Variants in XPOT observed in about 807,000 individuals in gnomAD.
XPOT encodes the protein exportin-T.
In XPOT, 34 loss-of-function variants were observed where a neutral mutation model predicts 128.2. The ratio of observed to expected loss-of-function variants is 0.27; its 90% CI spans 0.20 to 0.35. XPOT has a LOEUF of 0.35. Ranked by LOEUF, XPOT falls within the 10% of genes least tolerant of loss-of-function variation. The pLI is 1.00. For missense variants in XPOT, 838 were observed against 1,125.3 expected (o/e 0.74, Z 3.65); for synonymous variants, 348 against 394.3 (o/e 0.88, Z 1.39).
intron 9 of XPOT, among the ~76,000 whole-genome samples, chr12:64,422,470 T>A (rs1414505804): frequency 6.6e-6 from 1 of 152,224 alleles, no homozygotes; most frequent in Admixed American, 6.5e-5. Flanking sequence ...GAATATGTTA[T>A]AGGTGTCTTT....
At chr12:64,428,017 T>A in intron 15 of XPOT, 34 bp from the exon 16 acceptor site, 1 of 1,400,506 alleles carries the variant, frequency 7.1e-7, no homozygotes. Flanking sequence ...TTGAGCACTG[T>A]TATTAATTGT....
intron 2 of XPOT, among the ~76,000 whole-genome samples, chr12:64,412,551 A>C (rs1188609417): frequency 2.0e-5 from 3 of 152,174 alleles, no homozygotes; most frequent in Non-Finnish European, 4.4e-5. Flanking sequence ...TGTTAGAAAC[A>C]ACTAAGCTAG....
intron 13 of XPOT, 44 bp downstream of exon 13, chr12:64,425,226 A>G (rs2040180355): frequency 6.2e-7 from 1 of 1,612,294 alleles, no homozygotes; most frequent in Non-Finnish European, 8.5e-7. Flanking sequence ...TTCTGTTTTC[A>G]GTATAAGCTA....
In XPOT at chr12:64,419,219, A is replaced by C. The variant is rs73313849; in HGVS notation, c.489+125A>C. 6.6e-4 allele frequency: 450 copies of C among 679,236 alleles called. 1 individual carries two copies. The African/African-American group carries it at 7.7e-3, about 12-fold the overall frequency. 42.1% of individuals were successfully genotyped at this position (679,236 alleles called of 1,614,324 possible). The stretch of plus-strand genomic sequence containing the variant: ...AACTTTCTTAAGTTATATAATTATA[A>C]ATTTACCTGATGTTTTGGATTTTAT... On this transcript the variant is annotated intron_variant, in intron 6 of 24. Transcript: ENST00000332707.
At chr12:64,429,956 T>G in intron 16 of XPOT, 93 bp from the exon 17 acceptor site, 1 of 1,165,736 alleles carries the variant, frequency 8.6e-7, no homozygotes, top group Non-Finnish European at 1.2e-6. Flanking sequence ...GTTGGTGTGA[T>G]AGATTACATT....
Position 64,422,920 on chromosome 12 carries a change from C to A in XPOT, c.1081-85C>A, listed in dbSNP as rs865832417. On this transcript the variant is annotated intron_variant, in intron 9 of 24. Transcript: ENST00000332707. ...CTTGTCTCAAAAAAAAAAAAAAAAA[C>A]CAGGTCTTAATTGATTCGAAAAATG... The A allele has an allele frequency of 4.3e-4, 449 of 1,038,574 alleles. 2 individuals carry two copies. The South Asian group carries it at 5.6e-3, about 13-fold the overall frequency. The allele number at this position is 1,038,574 out of a possible 1,614,324, so 64.3% of individuals were successfully genotyped here.
At chr12:64,424,751 G>T in intron 12 of XPOT, 28 bp downstream of exon 12, 1 of 1,609,448 alleles carries the variant, frequency 6.2e-7, no homozygotes, top group South Asian at 1.1e-5. Flanking sequence ...TTTGTAACAA[G>T]CCTACTTCTT....
intron 24 of XPOT, among the ~76,000 whole-genome samples, chr12:64,445,590 G>A (rs1162743136): frequency 6.6e-6 from 1 of 151,946 alleles, no homozygotes; most frequent in Non-Finnish European, 1.5e-5. Context: ...TCAACAAAAA[G>A]TGTCACGTGT....
At position 64,410,069 on chromosome 12, in the gene XPOT, A is replaced by T; in HGVS notation, c.34A>T (p.Asn12Tyr). The T allele has an allele frequency of 6.2e-7, 1 of 1,613,924 alleles. No individual in the cohort carries two copies. The change falls in exon 2 of 25, where the codon AAT becomes TAT. Residue 12 changes from asparagine (N) to tyrosine (Y), a missense_variant. Asn to Tyr is a moderately radical substitution (Grantham distance 143). Transcript: ENST00000332707. ...ACAGGCTCTATTAGGGCTAAATCCAAATGCTGATTCAGACTTTAGACAAAG... is the reference window on the plus strand; with the variant it reads ...ACAGGCTCTATTAGGGCTAAATCCATATGCTGATTCAGACTTTAGACAAAG... ...DEQALLGLNP[N>Y]ADSDFRQRAL...
intron 23 of XPOT, among the ~76,000 whole-genome samples, chr12:64,441,170 T>C (rs2040321708): frequency 6.6e-6 from 1 of 152,230 alleles, no homozygotes. Context: ...AGCACCATTA[T>C]TGGAGAGATT....
chr12:64,425,131 C>T lies in XPOT; in HGVS notation c.1401C>T (p.His467=). 1 of 1,614,074 alleles carries T rather than the reference C, an allele frequency of 6.2e-7. No individual in the cohort carries two copies. Among genetic ancestry groups the T allele is most frequent in the Non-Finnish European group, 8.5e-7 (1 of 1,179,994 alleles). Residue 467 remains histidine (H), a synonymous_variant, in exon 13 of 25, where the codon CAC becomes CAT. Coordinates refer to ENST00000332707, the MANE Select transcript of XPOT (RefSeq NM_007235.6). ...AEALPVSHGA[H]FSGDVSKASA... ...CTCTTCCAGTATCTCATGGTGCTCACTTCTCAGGTGATGTTTCAAAAGCTA... is the reference window on the plus strand; with the variant it reads ...CTCTTCCAGTATCTCATGGTGCTCATTTCTCAGGTGATGTTTCAAAAGCTA...
rs143634387 is a variant in XPOT at position 64,422,339 on chromosome 12, C to T, written c.1081-666C>T. On this transcript the variant is annotated intron_variant, in intron 9 of 24. Transcript: ENST00000332707. Reference sequence around the variant, plus strand: ...TTATTGTAGTAAACATAACATGTATCTTTATGTATACTTCAAGAAATTTTA... The same window carrying T: ...TTATTGTAGTAAACATAACATGTATTTTTATGTATACTTCAAGAAATTTTA... 3.3e-3 allele frequency among the ~76,000 whole-genome samples: 503 copies of T among 152,224 alleles called. 4 individuals are homozygous for T. Among genetic ancestry groups the T allele is most frequent in the African/African-American group, 0.011 (468 of 41,534 alleles).
intron 10 of XPOT, 27 bp from the exon 11 acceptor site, chr12:64,423,155 C>G (rs539214490): frequency 1.9e-6 from 3 of 1,594,756 alleles, no homozygotes; most frequent in Non-Finnish European, 2.6e-6. Flanking sequence ...CTGACAAAAA[C>G]TCTTTTATTC....
Position 64,445,095 on chromosome 12 carries a change from G to A in XPOT, c.2826G>A (p.Gln942=). 1 of 1,609,080 alleles carries A rather than the reference G, an allele frequency of 6.2e-7. No homozygotes were observed. The change falls in exon 24 of 25, where the codon CAG becomes CAA. Residue 942 remains glutamine, a synonymous_variant. Transcript: ENST00000332707. The part of the protein sequence containing the change: ...EIIQEFCQAL[Q]QPDAKVFKNY... Reference sequence around the variant, plus strand: ...CCCAGGAGTTTTGTCAAGCGCTTCAGCAGCCTGATGCTAAAGTTTTTAAAA... The same window carrying A: ...CCCAGGAGTTTTGTCAAGCGCTTCAACAGCCTGATGCTAAAGTTTTTAAAA...
At chr12:64,431,424 G>T in intron 17 of XPOT, 114 bp from the exon 18 acceptor site, 1 of 1,025,668 alleles carries the variant, frequency 9.7e-7, no homozygotes, top group East Asian at 2.4e-5. Flanking sequence ...GAAAATAAAG[G>T]TCTGGTTATT....
intron 24 of XPOT, among the ~76,000 whole-genome samples, chr12:64,447,751 C>T (rs542995276): frequency 3.9e-5 from 6 of 152,084 alleles, no homozygotes; most frequent in African/African-American, 1.2e-4. Flanking sequence ...TTACAGGCGC[C>T]GTGCCCGTCC....
chr12:64,412,531 C>T (rs2040047934), intron 2 of XPOT, among the ~76,000 whole-genome samples: 1 of 152,184 alleles, frequency 6.6e-6, no homozygotes, highest in African/African-American at 2.4e-5. Flanking sequence ...CCCTATGTTT[C>T]ATGGACTGCT....
Position 64,423,183 on chromosome 12 carries a change from C to T in XPOT, c.1121C>T (p.Ala374Val). 6.3e-7 allele frequency: 1 copy of T among 1,599,672 alleles called. No individual in the cohort carries two copies. The highest frequency in any genetic ancestry group is 8.5e-7 in the Non-Finnish European group (1 of 1,175,718). The stretch of plus-strand genomic sequence containing the variant: ...TTTTATTCTCAATTTTATTCTTAGG[C>T]AATCATGTTGGCCGTTATGAAAAAA... Reference protein sequence around the residue: ...LSDQQKANVEAIMLAVMKKLT... With the variant: ...LSDQQKANVEVIMLAVMKKLT... Residue 374 changes from alanine (A) to valine (V), a missense_variant and splice_region_variant, in exon 11 of 25, where the codon GCA becomes GTA. By Grantham distance (64) the Ala-to-Val change is moderately conservative (BLOSUM62 0). Around this residue, in one of 3 missense-constraint regions of XPOT, gnomAD observed 761 missense variants for 988.3 expected, o/e 0.77. Transcript: ENST00000332707.
intron 7 of XPOT, 46 bp downstream of exon 7, chr12:64,420,300 T>C (rs1488446900): frequency 6.3e-7 from 1 of 1,593,070 alleles, no homozygotes; most frequent in Non-Finnish European, 8.5e-7. Flanking sequence ...TAAAATACAG[T>C]ATCTAAAACT....
Sources: gnomAD v4.1 joint callset for allele counts (sites outside exome capture counted in the v4.1 genomes callset) on GRCh38, gnomAD v4.1.1 for gene constraint, gnomAD v4.1.1 regional missense constraint, MANE v1.5 for transcripts, NCBI Gene and HGNC (gene_info 2026-07-23, HGNC 2026-07-21) for gene names.